Variants in ST3GAL4 observed in about 807,000 individuals in gnomAD.
ST3GAL4 encodes ST3 beta-galactoside alpha-2,3-sialyltransferase 4, also known as CMP-N-acetylneuraminate-beta-galactosamide-alpha-2,3-sialyltransferase 4.
ST3GAL4 carries 24 observed loss-of-function variants against 42.6 expected under a neutral mutation model. The ratio of observed to expected loss-of-function variants is 0.56; its 90% CI spans 0.41 to 0.79. The LOEUF (loss-of-function observed/expected upper bound fraction) is 0.79, where lower values mean the gene tolerates loss of function less well. Among genes scored for constraint, ST3GAL4 ranks in the 30% least tolerant of loss-of-function variants. The pLI is 0.00. For synonymous variants in ST3GAL4, 135 were observed against 163.2 expected, an observed-to-expected ratio of 0.83 and a Z score of 1.32; for missense variants, 311 against 430.8, an observed-to-expected ratio of 0.72 and a Z score of 2.46.
In ST3GAL4 at chr11:126,410,914, A is replaced by G. The variant is rs1048930553; in HGVS notation, c.771+1503A>G. On this transcript the variant is annotated intron_variant, in intron 9 of 10. Coordinates refer to ENST00000444328, the MANE Select transcript of ST3GAL4 (RefSeq NM_001254757.2). The surrounding 1 kb of genome is among the most constrained non-coding windows in gnomAD (Gnocchi z 5.3). ...GAGGTGGTGCTGGAGCCGGGCCTGG[A>G]AGGATCAGGCAGAGAGCTGGGGAAA... 6.6e-6 allele frequency among the ~76,000 whole-genome samples: 1 copy of G among 152,160 alleles called. No individual in the cohort carries two copies. Among genetic ancestry groups the G allele is most frequent in the South Asian group, 2.1e-4 (1 of 4,826 alleles).
Position 126,408,201 on chromosome 11 carries a change from G to A in ST3GAL4, c.437+7G>A. On this transcript the variant is annotated splice_region_variant and intron_variant, in intron 7 of 10. Coordinates refer to ENST00000444328, the MANE Select transcript of ST3GAL4 (RefSeq NM_001254757.2). ...AGTACGATGTGGTCATCAGGTGTGT[G>A]TGACTGTCTCTTCCTACTGTTGTTT... is the stretch of plus-strand genomic sequence containing the variant. 1 of 1,614,110 alleles carries A rather than the reference G, an allele frequency of 6.2e-7. No homozygotes were observed. The highest frequency in any genetic ancestry group is 8.5e-7 in the Non-Finnish European group (1 of 1,179,950).
chr11:126,388,657 C>CT (rs1362486963), intron 1 of ST3GAL4, among the ~76,000 whole-genome samples: 29 of 38,086 alleles, frequency 7.6e-4, no homozygotes, highest in East Asian at 3.9e-3. Context: ...AATTAGGTTT[C>CT]TTGTTTTTTT....
At position 126,363,105 on chromosome 11, in the gene ST3GAL4, G is replaced by T. The variant is rs1952301944; in HGVS notation, c.-61+7263G>T. 6.6e-6 allele frequency among the ~76,000 whole-genome samples: 1 copy of T among 152,186 alleles called. No homozygotes were observed. On this transcript the variant is annotated intron_variant, in intron 1 of 10. Coordinates refer to ENST00000444328, the MANE Select transcript of ST3GAL4 (RefSeq NM_001254757.2). This position sits in a 1 kb window ranked among gnomAD's most constrained non-coding sequence, Gnocchi z 4.6. ...CCTCCCCAGCTGGGCTGGACTGAAT[G>T]AGGGGCTGGCCGAGGAGCGGGTGTT...
In ST3GAL4 at chr11:126,406,263, G is replaced by A; in HGVS notation, c.16+92G>A. 1 of 1,549,074 alleles carries A rather than the reference G, an allele frequency of 6.5e-7. No homozygotes were observed. Among genetic ancestry groups the A allele is most frequent in the Middle Eastern group, 2.2e-4 (1 of 4,484 alleles). Reference sequence around the variant, plus strand: ...CTGGGACCTCTGGGGGCTGTGGAGGGACAGACAGGGAGCCAGGGGCCCTTC... The same window carrying A: ...CTGGGACCTCTGGGGGCTGTGGAGGAACAGACAGGGAGCCAGGGGCCCTTC... On this transcript the variant is annotated intron_variant, in intron 2 of 10. Transcript: ENST00000444328. This position sits in a 1 kb window ranked among gnomAD's most constrained non-coding sequence, Gnocchi z 5.4.
chr11:126,374,887 G>A (rs1410362147), intron 1 of ST3GAL4: 1 of 152,036 alleles, frequency 6.6e-6, no homozygotes, highest in Non-Finnish European at 1.5e-5. Flanking sequence ...TGCGCTCACT[G>A]TACCTGGCAG....
At chr11:126,390,323 G>T (rs1953441770) in intron 1 of ST3GAL4, among the ~76,000 whole-genome samples, 3 of 148,820 alleles carry the variant, frequency 2.0e-5, no homozygotes, top group Non-Finnish European at 4.5e-5. Context: ...AGTGTTTCCA[G>T]TTTGTTTGTT....
chr11:126,380,727 GGCAGGTAGGTGGGATTTCATCTTTCTGGA>G (rs1366240156), intron 1 of ST3GAL4, among the ~76,000 whole-genome samples: 1 of 152,130 alleles, frequency 6.6e-6, no homozygotes, highest in African/African-American at 2.4e-5. Flanking sequence ...AGACCTCCTC[GGCAGGTAGGTGGGATTTCATCTTTCTGGA>G]GCCTGAGCAT....
chr11:126,387,877 G>A (rs893139604), intron 1 of ST3GAL4, among the ~76,000 whole-genome samples: 1 of 152,158 alleles, frequency 6.6e-6, no homozygotes, highest in African/African-American at 2.4e-5. Context: ...TTGGAGATAT[G>A]GATATCGTTG....
rs1286894128 is a variant in ST3GAL4, at chr11:126,393,716, A to G, written c.-60-12380A>G. 6.6e-6 allele frequency among the ~76,000 whole-genome samples: 1 copy of G among 152,192 alleles called. No homozygotes were observed. Among genetic ancestry groups the G allele is most frequent in the Non-Finnish European group, 1.5e-5 (1 of 68,026 alleles). ...TCATAGGAAGTGTGAGCTAGCAGGA[A>G]TCCTGGAGATTTTCTAGCCCAACAG... is the stretch of plus-strand genomic sequence containing the variant. On this transcript the variant is annotated intron_variant, in intron 1 of 10. Coordinates refer to ENST00000444328, the MANE Select transcript of ST3GAL4 (RefSeq NM_001254757.2). The surrounding 1 kb of genome is among the most constrained non-coding windows in gnomAD (Gnocchi z 5.9).
chr11:126,413,967 G>A lies in ST3GAL4; in HGVS notation c.922G>A (p.Gly308Ser), dbSNP rs1425564285. 1.2e-6 allele frequency: 2 copies of A among 1,614,128 alleles called. No homozygotes were observed. The highest frequency in any genetic ancestry group is 2.7e-5 in the African/African-American group (2 of 74,946). The change falls in exon 11 of 11, where the codon GGC becomes AGC. Residue 308 changes from glycine to serine, a missense_variant. Gly to Ser is a moderately conservative substitution (Grantham distance 56, BLOSUM62 0). Coordinates refer to ENST00000444328, the MANE Select transcript of ST3GAL4 (RefSeq NM_001254757.2). ...QITLKSMAGS[G>S]HNVSQEALAI... ...TCCTTGGCTGTCTCCACAGGGGTCA[G>A]GCCATAATGTCTCCCAAGAGGCCCT...
intron 6 of ST3GAL4, 140 bp downstream of exon 6, chr11:126,407,774 C>T (rs1404029511): frequency 1.0e-6 from 1 of 978,196 alleles, no homozygotes; most frequent in South Asian, 1.6e-5. Flanking sequence ...GGTAGCCTAG[C>T]CTGGGCATCT....
chr11:126,408,599 T>A, intron 8 of ST3GAL4, 103 bp downstream of exon 8: 5 of 1,381,160 alleles, frequency 3.6e-6, no homozygotes, highest in Non-Finnish European at 4.9e-6. Flanking sequence ...CTAAAGAGGC[T>A]GTGAGGGGAC....
rs1163849762 is a variant in ST3GAL4 at position 126,409,013 on chromosome 11, C to T, written c.628-255C>T. 6.6e-6 allele frequency among the ~76,000 whole-genome samples: 1 copy of T among 152,212 alleles called. No individual in the cohort carries two copies. The highest frequency in any genetic ancestry group is 1.5e-5 in the Non-Finnish European group (1 of 68,040). On this transcript the variant is annotated intron_variant, in intron 8 of 10. Transcript: ENST00000444328. This position sits in a 1 kb window ranked among gnomAD's most constrained non-coding sequence, Gnocchi z 4.9. ...TGTGTGGATGTTCTTGGAAGTGGTC[C>T]ATGGTTTAGACCCTCCACTCTATAC...
chr11:126,372,125 A>G (rs1952678080), intron 1 of ST3GAL4, among the ~76,000 whole-genome samples: 1 of 152,194 alleles, frequency 6.6e-6, no homozygotes, highest in Admixed American at 6.5e-5. Context: ...GGCATTAAGT[A>G]CATTTAGAAT....
At position 126,410,001 on chromosome 11, in the gene ST3GAL4, C is replaced by T. The variant is rs983583050; in HGVS notation, c.771+590C>T. On this transcript the variant is annotated intron_variant, in intron 9 of 10. Transcript: ENST00000444328. This position sits in a 1 kb window ranked among gnomAD's most constrained non-coding sequence, Gnocchi z 5.3. The stretch of plus-strand genomic sequence containing the variant: ...CACTGTAACCTCAAACTTCCAGGCT[C>T]AGGTGATCCTTCTGCCTCAGCCTCC... 2.0e-4 allele frequency among the ~76,000 whole-genome samples: 31 copies of T among 152,294 alleles called. 1 individual carries two copies. The highest frequency in any genetic ancestry group is 7.5e-4 in the African/African-American group (31 of 41,566).
rs2135519211 is a variant in ST3GAL4, at chr11:126,400,712, G to GA, written c.-60-5381dup. The stretch of plus-strand genomic sequence containing the variant: ...GTTTCGAAGAAGGGGCATGAGTGAG[G>GA]AAACAGTTGTGGTGAAGAGACCAGT... On this transcript the variant is annotated intron_variant, in intron 1 of 10. Transcript: ENST00000444328. The surrounding 1 kb of genome is among the most constrained non-coding windows in gnomAD (Gnocchi z 4.6). Among the ~76,000 whole-genome samples, 1 of 152,306 alleles carries GA rather than the reference G, an allele frequency of 6.6e-6. No homozygotes were observed. The highest frequency in any genetic ancestry group is 6.5e-5 in the Admixed American group (1 of 15,300).
At chr11:126,394,800 G>T (rs1171691877) in intron 1 of ST3GAL4, among the ~76,000 whole-genome samples, 4 of 147,460 alleles carry the variant, frequency 2.7e-5, no homozygotes, top group Non-Finnish European at 6.0e-5. Flanking sequence ...TTCTGTACAG[G>T]AGTCTGCAGT....
chr11:126,406,583 A>G lies in ST3GAL4; in HGVS notation c.101+26A>G. The G allele has an allele frequency of 6.2e-7, 1 of 1,614,002 alleles. No individual in the cohort carries two copies. Among genetic ancestry groups the G allele is most frequent in the Non-Finnish European group, 8.5e-7 (1 of 1,179,970 alleles). On this transcript the variant is annotated intron_variant, in intron 3 of 10. Coordinates refer to ENST00000444328, the MANE Select transcript of ST3GAL4 (RefSeq NM_001254757.2). The surrounding 1 kb of genome is among the most constrained non-coding windows in gnomAD (Gnocchi z 5.4). The stretch of plus-strand genomic sequence containing the variant: ...GTGAGTTCACCTTCCATGTCCTTCC[A>G]GTGGCTCTTGTCAGGGACAGGGCTT...
At chr11:126,402,551 C>T (rs1954053752) in intron 1 of ST3GAL4, among the ~76,000 whole-genome samples, 1 of 152,160 alleles carries the variant, frequency 6.6e-6, no homozygotes, top group African/African-American at 2.4e-5. Context: ...CGAGCTTCTG[C>T]CCCTCTGGTC....
Sources: allele counts gnomAD v4.1 joint callset (sites outside exome capture counted in the v4.1 genomes callset), GRCh38; gene constraint gnomAD v4.1.1; non-coding constraint Gnocchi (gnomAD v3.1); transcripts MANE v1.5; gene names NCBI Gene and HGNC (gene_info 2026-07-23, HGNC 2026-07-21).